The following COL19A1 variants were observed in gnomAD, a reference collection of about 807,000 sequenced individuals.
The protein encoded by COL19A1 is collagen alpha-1(XIX) chain.
A neutral mutation model predicts 190.2 loss-of-function variants in COL19A1; 159 were observed. The observed-to-expected ratio is 0.84, with a 90% CI of 0.73 to 0.95. COL19A1 has a LOEUF of 0.95. COL19A1 is among the 40% of genes least tolerant of loss of function. The pLI is 0.00. For synonymous variants in COL19A1, 509 were observed against 458.9 expected, an observed-to-expected ratio of 1.11 and a Z score of -1.39; for missense variants, 1,418 against 1,431.9, an observed-to-expected ratio of 0.99 and a Z score of 0.16.
intron 11 of COL19A1, among the ~76,000 whole-genome samples, chr6:69,986,019 C>T (rs1776291848): frequency 6.6e-6 from 1 of 151,560 alleles, no homozygotes; most frequent in African/African-American, 2.4e-5. Context: ...CTTCAGTAAC[C>T]TAGAATTTGA....
intron 4 of COL19A1, among the ~76,000 whole-genome samples, chr6:69,903,078 T>C (rs1187273124): frequency 1.3e-5 from 2 of 152,314 alleles, no homozygotes; most frequent in East Asian, 3.9e-4. Flanking sequence ...AACCACAAGG[T>C]TTAGCCTTGA....
At position 70,208,049 on chromosome 6, in the gene COL19A1, A is replaced by G. The variant is rs1768001110; in HGVS notation, c.*775A>G. 6.6e-6 allele frequency: 1 copy of G among 152,158 alleles called. No individual in the cohort carries two copies. Among genetic ancestry groups the G allele is most frequent in the Admixed American group, 6.5e-5 (1 of 15,270 alleles). The allele number at this position is 152,158 out of a possible 1,614,324, so 9.4% of individuals were successfully genotyped here. On this transcript the variant is annotated 3_prime_UTR_variant, in exon 51 of 51. Transcript: ENST00000620364. ...TGTATGAGTTCTGCAAAAAAAGCCT[A>G]ATATTCTGTGGTCCCCTCACTCAGT... is the stretch of plus-strand genomic sequence containing the variant.
At chr6:69,891,868 C>T (rs1055101437) in intron 2 of COL19A1, among the ~76,000 whole-genome samples, 1 of 152,144 alleles carries the variant, frequency 6.6e-6, no homozygotes, top group Non-Finnish European at 1.5e-5. Context: ...TTTTAACTTC[C>T]ATTATTGTCT....
intron 42 of COL19A1, among the ~76,000 whole-genome samples, chr6:70,178,018 G>A (rs1033081502): frequency 6.6e-6 from 1 of 152,312 alleles, no homozygotes; most frequent in African/African-American, 2.4e-5. Flanking sequence ...GAGATAAGGG[G>A]CTAGCCTGCC....
intron 9 of COL19A1, among the ~76,000 whole-genome samples, chr6:69,954,648 T>C (rs184113975): frequency 2.6e-3 from 390 of 152,158 alleles, no homozygotes; most frequent in Non-Finnish European, 2.6e-3. Context: ...CTTTCCATTT[T>C]CTCTTGGAGA....
chr6:69,889,589 A>G (rs544915083), intron 2 of COL19A1, among the ~76,000 whole-genome samples: 82 of 152,218 alleles, frequency 5.4e-4, no homozygotes, highest in Non-Finnish European at 1.0e-3. Flanking sequence ...ACCAATCAGC[A>G]CTCTGTAAAA....
At chr6:70,153,462 A>G (rs1403569024) in intron 31 of COL19A1, among the ~76,000 whole-genome samples, 3 of 152,128 alleles carry the variant, frequency 2.0e-5, no homozygotes, top group Admixed American at 6.6e-5. Context: ...ATCTTAAGAC[A>G]TTTTTCCAAG....
intron 9 of COL19A1, among the ~76,000 whole-genome samples, chr6:69,946,136 T>C (rs921582138): frequency 6.6e-6 from 1 of 151,946 alleles, no homozygotes; most frequent in African/African-American, 2.4e-5. Flanking sequence ...CCTACTTGAA[T>C]TGAAAGCATC....
chr6:70,099,647 C>T (rs981892757), intron 15 of COL19A1, among the ~76,000 whole-genome samples: 1 of 152,098 alleles, frequency 6.6e-6, no homozygotes, highest in Non-Finnish European at 1.5e-5. Flanking sequence ...AAGGTAACTG[C>T]ACTGCTTTGT....
intron 14 of COL19A1, among the ~76,000 whole-genome samples, chr6:70,063,043 C>A (rs1780942071): frequency 6.6e-6 from 1 of 152,154 alleles, no homozygotes; most frequent in Admixed American, 6.5e-5. Context: ...GAGACTTTAA[C>A]ACCCCACTGT....
rs1463953552 is a variant in COL19A1, at chr6:70,165,925, T to A, written c.2401-16T>A. 1 of 1,613,346 alleles carries A rather than the reference T, an allele frequency of 6.2e-7. No homozygotes were observed. Among genetic ancestry groups the A allele is most frequent in the Non-Finnish European group, 8.5e-7 (1 of 1,179,294 alleles). ...GAAACGTCTACGCCGCTGATATGTC[T>A]ATATATCCCTTGCAGGGCAGCGACG... On this transcript the variant is annotated splice_polypyrimidine_tract_variant and intron_variant, in intron 36 of 50. Transcript: ENST00000620364.
At chr6:69,881,048 A>T (rs1768514765) in intron 2 of COL19A1, among the ~76,000 whole-genome samples, 1 of 152,230 alleles carries the variant, frequency 6.6e-6, no homozygotes, top group African/African-American at 2.4e-5. Flanking sequence ...AAGGACCTAA[A>T]TAAATGGTTC....
chr6:70,035,198 A>G (rs1779285112), intron 13 of COL19A1, among the ~76,000 whole-genome samples: 1 of 152,216 alleles, frequency 6.6e-6, no homozygotes, highest in Non-Finnish European at 1.5e-5. Context: ...CGTGGTCTTT[A>G]ATGTTTGAGA....
chr6:69,993,522 A>G (rs1471004391), intron 11 of COL19A1, among the ~76,000 whole-genome samples: 4 of 152,096 alleles, frequency 2.6e-5, no homozygotes, highest in Non-Finnish European at 5.9e-5. Flanking sequence ...AAGTAGTTTC[A>G]GTAGGATTGG....
intron 15 of COL19A1, among the ~76,000 whole-genome samples, chr6:70,095,177 T>A (rs1173275979): frequency 1.3e-5 from 2 of 152,220 alleles, no homozygotes; most frequent in African/African-American, 2.4e-5. Context: ...ATGAGAAACA[T>A]TTATATTGTT....
At chr6:70,176,081 A>C (rs1765786363) in intron 41 of COL19A1, among the ~76,000 whole-genome samples, 1 of 152,252 alleles carries the variant, frequency 6.6e-6, no homozygotes, top group Non-Finnish European at 1.5e-5. Flanking sequence ...CATTAGTTGT[A>C]GATCATTTTA....
Position 70,005,428 on chromosome 6 carries a change from C to T in COL19A1, c.1027-18199C>T, listed in dbSNP as rs558438395. Among the ~76,000 whole-genome samples the T allele has an allele frequency of 3.2e-4, 48 of 152,156 alleles. 3 individuals carry two copies. The South Asian group carries it at 8.3e-3, about 26-fold the overall frequency. On this transcript the variant is annotated intron_variant, in intron 11 of 50. Coordinates refer to ENST00000620364, the MANE Select transcript of COL19A1 (RefSeq NM_001858.6). ...AGGTACCTCTTCTGTAGGGCTGCTACGGTTTGCTCGGGGTTCACTTCAGGC... is the reference window on the plus strand; with the variant it reads ...AGGTACCTCTTCTGTAGGGCTGCTATGGTTTGCTCGGGGTTCACTTCAGGC...
At chr6:70,137,655 C>CA in intron 18 of COL19A1, 30 bp from the exon 19 acceptor site, 1 of 1,610,024 alleles carries the variant, frequency 6.2e-7, no homozygotes, top group Non-Finnish European at 8.5e-7. Context: ...TAACCATCTG[C>CA]AAAATCTCTC....
intron 11 of COL19A1, among the ~76,000 whole-genome samples, chr6:70,010,766 G>A (rs1416935802): frequency 4.6e-5 from 6 of 129,120 alleles, no homozygotes; most frequent in African/African-American, 1.1e-4. Flanking sequence ...ACTGCAAGGC[G>A]GCAACGAGGC....
Sources: allele counts gnomAD v4.1 joint callset (sites outside exome capture counted in the v4.1 genomes callset), GRCh38; gene constraint gnomAD v4.1.1; transcripts MANE v1.5; gene names NCBI Gene and HGNC (gene_info 2026-07-23, HGNC 2026-07-21).